CYP4F22: variants seen among roughly 807,000 people sequenced by gnomAD.
The protein encoded by CYP4F22 is ultra-long-chain fatty acid omega-hydroxylase.
CYP4F22 carries 37 observed loss-of-function variants against 60.4 expected under a neutral mutation model. The observed-to-expected ratio is 0.61, with a 90% CI of 0.47 to 0.81. The LOEUF is 0.81. Among genes scored for constraint, CYP4F22 ranks in the 30% least tolerant of loss-of-function variants. CYP4F22 has a pLI of 0.00. For missense variants in CYP4F22, 655 were observed against 715.0 expected, an observed-to-expected ratio of 0.92 and a Z score of 0.96; for synonymous variants, 258 against 280.5, an observed-to-expected ratio of 0.92 and a Z score of 0.80.
intron 1 of CYP4F22, among the ~76,000 whole-genome samples, chr19:15,523,488 C>T (rs1171841974): frequency 6.6e-6 from 1 of 152,176 alleles, no homozygotes; most frequent in African/African-American, 2.4e-5. Flanking sequence ...CAATCACCTT[C>T]CACTAGACCC....
chr19:15,510,303 C>A (rs1473152263), intron 1 of CYP4F22, among the ~76,000 whole-genome samples: 1 of 152,156 alleles, frequency 6.6e-6, no homozygotes, highest in Non-Finnish European at 1.5e-5. Flanking sequence ...GTTGATAAAA[C>A]TTGGACCTGA....
intron 8 of CYP4F22, among the ~76,000 whole-genome samples, chr19:15,542,472 GGTT>G (rs1248642033): frequency 6.6e-6 from 1 of 152,192 alleles, no homozygotes; most frequent in East Asian, 1.9e-4. Context: ...TGGAGGCAGA[GGTT>G]GTAGTGAGCC....
chr19:15,516,718 G>GT, intron 1 of CYP4F22: 3 of 556,118 alleles, frequency 5.4e-6, no homozygotes, highest in Non-Finnish European at 6.5e-6. Context: ...CATTCTTGTT[G>GT]TTTTTGGGGA....
At chr19:15,543,470 G>A (rs981947137) in intron 8 of CYP4F22, among the ~76,000 whole-genome samples, 10 of 152,090 alleles carry the variant, frequency 6.6e-5, no homozygotes, top group Non-Finnish European at 1.2e-4. Flanking sequence ...GGGATTATAG[G>A]TGTGAGCCAC....
rs1469127572 is a variant in CYP4F22 at position 15,551,850 on chromosome 19, G to C, written c.*379G>C. On this transcript the variant is annotated 3_prime_UTR_variant, in exon 14 of 14. Coordinates refer to ENST00000269703, the MANE Select transcript of CYP4F22 (RefSeq NM_173483.4). ...CCAGGCCTTGCCCACTGAGCCTTCA[G>C]AGGACCTAAGACCCACCTATGACTC... 2 of 308,426 alleles carry C rather than the reference G, an allele frequency of 6.5e-6. No homozygotes were observed. Among genetic ancestry groups the C allele is most frequent in the African/African-American group, 4.3e-5 (2 of 46,416 alleles). The allele number at this position is 308,426 out of a possible 1,614,324, so 19.1% of individuals were successfully genotyped here.
At position 15,537,353 on chromosome 19, in the gene CYP4F22, C is replaced by T; in HGVS notation, c.368-8C>T. The T allele has an allele frequency of 6.2e-7, 1 of 1,614,060 alleles. No individual in the cohort carries two copies. Among genetic ancestry groups the T allele is most frequent in the Non-Finnish European group, 8.5e-7 (1 of 1,180,014 alleles). ...TTTGAGTCACCATTTTCCCTTTGCC[C>T]TCCACAGCTGCCATCGCCCCCAAGG... On this transcript the variant is annotated splice_region_variant and splice_polypyrimidine_tract_variant and intron_variant, in intron 4 of 13. Coordinates refer to ENST00000269703, the MANE Select transcript of CYP4F22 (RefSeq NM_173483.4).
At chr19:15,540,743 T>C (rs62113203) in intron 8 of CYP4F22, 26 bp downstream of exon 8, 2 of 1,468,612 alleles carry the variant, frequency 1.4e-6, no homozygotes, top group Admixed American at 2.2e-5. Flanking sequence ...CTGGAATTGC[T>C]GGCCTCCCGA....
intron 12 of CYP4F22, among the ~76,000 whole-genome samples, chr19:15,550,300 C>T (rs545464529): frequency 6.6e-6 from 1 of 151,544 alleles, no homozygotes; most frequent in East Asian, 1.9e-4. Context: ...AACAAACAAA[C>T]AAACAAAGAC....
Position 15,551,576 on chromosome 19 carries a change from A to G in CYP4F22, c.*105A>G. On this transcript the variant is annotated 3_prime_UTR_variant, in exon 14 of 14. Coordinates refer to ENST00000269703, the MANE Select transcript of CYP4F22 (RefSeq NM_173483.4). ...GCATAGGCCACCCCCCTCGAAGTTCAGGTTCAGCTCCTGGATGACCAGGCA... is the reference window on the plus strand; with the variant it reads ...GCATAGGCCACCCCCCTCGAAGTTCGGGTTCAGCTCCTGGATGACCAGGCA... 3 of 1,368,146 alleles carry G rather than the reference A, an allele frequency of 2.2e-6. No individual in the cohort carries two copies. In the South Asian group the frequency reaches 4.0e-5, roughly 18 times the overall value. 84.8% of individuals were successfully genotyped at this position (1,368,146 alleles called of 1,614,324 possible).
At chr19:15,523,004 C>T (rs1257409398) in intron 1 of CYP4F22, among the ~76,000 whole-genome samples, 1 of 151,896 alleles carries the variant, frequency 6.6e-6, no homozygotes, top group African/African-American at 2.4e-5. Context: ...AGCCACTGCA[C>T]CCGGCCAACA....
intron 4 of CYP4F22, among the ~76,000 whole-genome samples, chr19:15,534,592 C>A (rs922006162): frequency 1.3e-5 from 2 of 152,082 alleles, no homozygotes; most frequent in Non-Finnish European, 2.9e-5. Flanking sequence ...GCTAGGACTG[C>A]AGGTGTGAAT....
At chr19:15,533,822 A>G (rs1046922220) in intron 4 of CYP4F22, among the ~76,000 whole-genome samples, 2 of 151,898 alleles carry the variant, frequency 1.3e-5, no homozygotes, top group African/African-American at 4.8e-5. Flanking sequence ...CAGGTTGGTC[A>G]TTAGGGCTGA....
At chr19:15,511,183 C>A (rs147916688) in intron 1 of CYP4F22, among the ~76,000 whole-genome samples, 5,252 of 151,160 alleles carry the variant, frequency 0.035, 114 homozygotes, top group Middle Eastern at 0.089. Flanking sequence ...TCAGGCTGGT[C>A]TCGAACTCCC....
chr19:15,530,989 C>A (rs1363830137), intron 4 of CYP4F22, among the ~76,000 whole-genome samples: 1 of 152,112 alleles, frequency 6.6e-6, no homozygotes, highest in Non-Finnish European at 1.5e-5. Context: ...CATCTGTAAT[C>A]CCAACACTTT....
intron 1 of CYP4F22, chr19:15,515,507 C>A: frequency 1.5e-6 from 1 of 663,566 alleles, no homozygotes; most frequent in East Asian, 3.8e-5. Context: ...GATGGTTCGC[C>A]TGAGGTCAGG....
intron 3 of CYP4F22, among the ~76,000 whole-genome samples, chr19:15,526,600 A>G (rs960124050): frequency 9.9e-5 from 15 of 152,198 alleles, no homozygotes; most frequent in African/African-American, 3.6e-4. Context: ...GAGGTTAAGT[A>G]GCTGACCTTA....
chr19:15,520,987 T>G (rs1971218571), intron 1 of CYP4F22, among the ~76,000 whole-genome samples: 2 of 151,878 alleles, frequency 1.3e-5, no homozygotes, highest in Non-Finnish European at 2.9e-5. Flanking sequence ...CAGCATGGTT[T>G]CGATTTCCTG....
intron 7 of CYP4F22, 27 bp from the exon 8 acceptor site, chr19:15,540,423 A>C: frequency 6.2e-7 from 1 of 1,614,036 alleles, no homozygotes; most frequent in Non-Finnish European, 8.5e-7. Context: ...AAGGGGCTAC[A>C]CTCATGGATC....
chr19:15,514,559 C>T (rs1971132286), intron 1 of CYP4F22, among the ~76,000 whole-genome samples: 1 of 152,004 alleles, frequency 6.6e-6, no homozygotes, highest in South Asian at 2.1e-4. Context: ...GGTGGCCCAG[C>T]TACTCGGGAG....
Sources: allele counts gnomAD v4.1 joint callset (sites outside exome capture counted in the v4.1 genomes callset), GRCh38; gene constraint gnomAD v4.1.1; transcripts MANE v1.5; gene names NCBI Gene and HGNC (gene_info 2026-07-23, HGNC 2026-07-21).